The following ZNF493 variants were observed in gnomAD, a reference collection of about 807,000 sequenced individuals.
The protein encoded by ZNF493 is zinc finger protein 493.
In ZNF493, 11 loss-of-function variants were observed where a neutral mutation model predicts 12.2. The ratio of observed to expected loss-of-function variants is 0.90; its 90% CI spans 0.57 to 1.50. The LOEUF (loss-of-function observed/expected upper bound fraction) is 1.50. Among genes scored for constraint, ZNF493 ranks in the 40% most tolerant of loss-of-function variants. ZNF493 has a pLI of 0.00. For synonymous variants in ZNF493, 286 were observed against 302.6 expected, an observed-to-expected ratio of 0.95 and a Z score of 0.57; for missense variants, 950 against 906.6, an observed-to-expected ratio of 1.05 and a Z score of -0.61.
At chr19:21,416,789 C>T (rs553280496) in intron 3 of ZNF493, among the ~76,000 whole-genome samples, 1 of 152,156 alleles carries the variant, frequency 6.6e-6, no homozygotes, top group South Asian at 2.1e-4. Flanking sequence ...GTAGATATAA[C>T]AATTTGAATT....
At position 21,410,705 on chromosome 19, in the gene ZNF493, T is replaced by C. The variant is rs79505216; in HGVS notation, c.253+4849T>C. Among the ~76,000 whole-genome samples the C allele has an allele frequency of 1.3e-3, 191 of 152,330 alleles. 4 individuals are homozygous for C. The East Asian group carries it at 0.032, about 26-fold the overall frequency. ...TTTGTTGTTCATGCATTTAATATCA[T>C]ATCTAAGAAAATGGTGCCAAGACTC... On this transcript the variant is annotated intron_variant, in intron 3 of 3. Transcript: ENST00000392288.
chr19:21,405,055 T>G, intron 1 of ZNF493, 74 bp from the exon 2 acceptor site: 1 of 1,542,032 alleles, frequency 6.5e-7, no homozygotes, highest in Non-Finnish European at 8.7e-7. Flanking sequence ...TCATTTGACC[T>G]TAATTCAAAT....
Position 21,425,066 on chromosome 19 carries a change from T to G in ZNF493, c.*82T>G. The G allele has an allele frequency of 6.8e-7, 1 of 1,464,848 alleles. No individual in the cohort carries two copies. Among genetic ancestry groups the G allele is most frequent in the Non-Finnish European group, 9.4e-7 (1 of 1,065,408 alleles). 90.7% of individuals were successfully genotyped at this position (1,464,848 alleles called of 1,614,324 possible). ...CTTTTCACCAGTACTTTACCCTTAA[T>G]ACACATAAGATAATTAATGCTGGAG... On this transcript the variant is annotated 3_prime_UTR_variant, in exon 4 of 4. Coordinates refer to ENST00000392288, the MANE Select transcript of ZNF493 (RefSeq NM_001076678.3).
intron 3 of ZNF493, among the ~76,000 whole-genome samples, chr19:21,415,057 C>G (rs2030439581): frequency 6.6e-6 from 1 of 152,074 alleles, no homozygotes; most frequent in Admixed American, 6.6e-5. Flanking sequence ...TCTCCCAATC[C>G]CTATCACAGT....
rs2030844269 is a variant in ZNF493 at position 21,425,885 on chromosome 19, A to T, written c.*901A>T. 1.7e-6 allele frequency: 1 copy of T among 595,932 alleles called. No homozygotes were observed. The highest frequency in any genetic ancestry group is 3.2e-6 in the Non-Finnish European group (1 of 316,342). The allele number at this position is 595,932 out of a possible 1,614,324, so 36.9% of individuals were successfully genotyped here. A position where few individuals can be genotyped will look rare whatever the true frequency, so the allele number is the denominator to read the frequency against. ...GAAGAATGTGGCAAAGCTTTTAACC[A>T]GTCCTCAAACTTTATTGAACAAAAT... On this transcript the variant is annotated 3_prime_UTR_variant, in exon 4 of 4. Coordinates refer to ENST00000392288, the MANE Select transcript of ZNF493 (RefSeq NM_001076678.3).
intron 1 of ZNF493, chr19:21,398,313 T>A (rs968978404): frequency 1.3e-5 from 2 of 156,048 alleles, no homozygotes; most frequent in Non-Finnish European, 2.8e-5. Flanking sequence ...AGATTTGTTA[T>A]CTGTTTGTAA....
rs73012042 is a variant in ZNF493 at position 21,416,294 on chromosome 19, A to G, written c.254-6619A>G. On this transcript the variant is annotated intron_variant, in intron 3 of 3. Transcript: ENST00000392288. ...GGACATACCCCATTTCATGCATTGT[A>G]TGTTCTTTGAGGGCTATATAATTGT... Among the ~76,000 whole-genome samples the G allele has an allele frequency of 6.1e-3, 921 of 151,990 alleles. 12 individuals carry two copies. The highest frequency in any genetic ancestry group is 8.1e-3 in the Non-Finnish European group (550 of 67,974).
chr19:21,413,362 T>C, intron 3 of ZNF493: 1 of 406,728 alleles, frequency 2.5e-6, no homozygotes, highest in Admixed American at 4.2e-5. Context: ...ATAATTGTTC[T>C]CTGTGTCAGC....
At chr19:21,404,587 A>T (rs1294185430) in intron 1 of ZNF493, among the ~76,000 whole-genome samples, 1 of 152,214 alleles carries the variant, frequency 6.6e-6, no homozygotes, top group Non-Finnish European at 1.5e-5. Context: ...CAGGGCAGAA[A>T]AATTGAGTAA....
At chr19:21,419,152 G>C (rs957490148) in intron 3 of ZNF493, among the ~76,000 whole-genome samples, 1 of 152,298 alleles carries the variant, frequency 6.6e-6, no homozygotes, top group East Asian at 1.9e-4. Flanking sequence ...CCAGAGCCAT[G>C]TGACTGGCAT....
At chr19:21,414,994 A>G (rs2030437195) in intron 3 of ZNF493, among the ~76,000 whole-genome samples, 1 of 152,188 alleles carries the variant, frequency 6.6e-6, no homozygotes, top group Non-Finnish European at 1.5e-5. Flanking sequence ...TACCTTCGTG[A>G]GAGAGACAAT....
intron 3 of ZNF493, 30 bp downstream of exon 3, chr19:21,405,886 T>G (rs374901110): frequency 2.3e-6 from 1 of 435,210 alleles, no homozygotes; most frequent in Non-Finnish European, 3.7e-6. Context: ...ACAGTTGACA[T>G]AGATGAAAGG....
At position 21,425,589 on chromosome 19, in the gene ZNF493, A is replaced by G; in HGVS notation, c.*605A>G. ...ATTTACTGCACATAAGATAATTTAT[A>G]CTGGAGAGAAGCCCTACAAATGTGA... is the stretch of plus-strand genomic sequence containing the variant. On this transcript the variant is annotated 3_prime_UTR_variant, in exon 4 of 4. Transcript: ENST00000392288. 1.6e-6 allele frequency: 1 copy of G among 641,748 alleles called. No homozygotes were observed. Among genetic ancestry groups the G allele is most frequent in the South Asian group, 1.4e-5 (1 of 69,250 alleles). The allele number at this position is 641,748 out of a possible 1,614,324, so 39.8% of individuals were successfully genotyped here.
At chr19:21,420,623 A>ATAATTTT (rs1568382528) in intron 3 of ZNF493, among the ~76,000 whole-genome samples, 3 of 16,118 alleles carry the variant, frequency 1.9e-4, no homozygotes, top group African/African-American at 6.7e-4. Context: ...ATATATATAT[A>ATAATTTT]TTTTTTTTTT....
intron 3 of ZNF493, chr19:21,413,867 A>G (rs1173475029): frequency 1.2e-5 from 2 of 164,542 alleles, no homozygotes; most frequent in Non-Finnish European, 1.3e-5. Flanking sequence ...ATTTAAAGTT[A>G]ATAATGCTAG....
chr19:21,409,745 A>G lies in ZNF493; in HGVS notation c.253+3889A>G, dbSNP rs1007806380. ...GGGTGACAGAGTGAGACCCTGTCTC[A>G]AAAAGAAGCTGTATATTTCAGGCAT... On this transcript the variant is annotated intron_variant, in intron 3 of 3. Coordinates refer to ENST00000392288, the MANE Select transcript of ZNF493 (RefSeq NM_001076678.3). Among the ~76,000 whole-genome samples, 3 of 152,156 alleles carry G rather than the reference A, an allele frequency of 2.0e-5. 1 individual carries two copies. Among genetic ancestry groups the G allele is most frequent in the African/African-American group, 4.8e-5 (2 of 41,430 alleles).
intron 3 of ZNF493, chr19:21,412,215 AC>A (rs1213644418): frequency 6.6e-6 from 1 of 152,234 alleles, no homozygotes; most frequent in African/African-American, 2.4e-5. Context: ...TAAAAGATTA[AC>A]TAAAAGTATC....
intron 1 of ZNF493, chr19:21,398,442 C>A: frequency 5.2e-6 from 1 of 190,960 alleles, no homozygotes; most frequent in Non-Finnish European, 1.1e-5. Context: ...GTTTTTGGGT[C>A]GAAGTTCTCC....
At chr19:21,413,410 G>T in intron 3 of ZNF493, 1 of 406,884 alleles carries the variant, frequency 2.5e-6, no homozygotes, top group Non-Finnish European at 4.3e-6. Flanking sequence ...GGTGATAACT[G>T]CTATCATAGC....
Sources: gnomAD v4.1 joint callset for allele counts (sites outside exome capture counted in the v4.1 genomes callset) on GRCh38, gnomAD v4.1.1 for gene constraint, MANE v1.5 for transcripts, NCBI Gene and HGNC (gene_info 2026-07-23, HGNC 2026-07-21) for gene names.